The following SLC7A5 variants were observed in gnomAD, a reference collection of about 807,000 sequenced individuals.
The protein encoded by SLC7A5 is solute carrier family 7 member 5, also known as large neutral amino acids transporter small subunit 1.
A neutral mutation model predicts 50.2 loss-of-function variants in SLC7A5; 23 were observed. The observed-to-expected ratio is 0.46, with a 90% CI of 0.33 to 0.65. SLC7A5 has a LOEUF of 0.65. Among genes scored for constraint, SLC7A5 ranks in the 30% least tolerant of loss-of-function variants. The probability of loss-of-function intolerance (pLI) is 0.02; values close to 1 mark genes in which losing one functional copy is unlikely to be tolerated. For missense variants in SLC7A5, 578 were observed against 684.4 expected, an observed-to-expected ratio of 0.84 and a Z score of 1.73; for synonymous variants, 393 against 330.6, an observed-to-expected ratio of 1.19 and a Z score of -2.05.
Position 87,851,751 on chromosome 16 carries a change from G to C in SLC7A5, c.637C>G (p.Leu213Val). ...TTCCCGATCTGGACGAAGCCCAGCAGGATGATCAGGGCCAGGGCCAGGAGC... is the reference window on the plus strand; with the variant it reads ...TTCCCGATCTGGACGAAGCCCAGCACGATGATCAGGGCCAGGGCCAGGAGC... ...AKLLALALII[L>V]LGFVQIGKGD... The change falls in exon 2 of 10, where the codon CTG becomes GTG. Residue 213 changes from leucine (L) to valine (V), a missense_variant. This residue lies in a region of SLC7A5 where 465 missense variants were observed against 594.6 expected (regional missense o/e 0.78). Coordinates refer to ENST00000261622, the MANE Select transcript of SLC7A5 (RefSeq NM_003486.7). The C allele has an allele frequency of 6.2e-7, 1 of 1,613,206 alleles. No homozygotes were observed. The highest frequency in any genetic ancestry group is 8.5e-7 in the Non-Finnish European group (1 of 1,179,962).
Position 87,832,807 on chromosome 16 carries a change from A to T in SLC7A5, c.*163T>A, listed in dbSNP as rs1322554722. On this transcript the variant is annotated 3_prime_UTR_variant, in exon 10 of 10. Transcript: ENST00000261622. This position sits in a 1 kb window ranked among gnomAD's most constrained non-coding sequence, Gnocchi z 4.6. ...TCAGTTGAGGGATGAGATTCGTACCAGAGTTTTCACAGCAGCCTCCACTGC... is the reference window on the plus strand; with the variant it reads ...TCAGTTGAGGGATGAGATTCGTACCTGAGTTTTCACAGCAGCCTCCACTGC... The T allele has an allele frequency of 2.9e-6, 2 of 687,948 alleles. No individual in the cohort carries two copies. Among genetic ancestry groups the T allele is most frequent in the East Asian group, 2.6e-5 (1 of 38,274 alleles). The allele number at this position is 687,948 out of a possible 1,614,324, so 42.6% of individuals were successfully genotyped here.
At chr16:87,836,323 G>A (rs984872403) in intron 8 of SLC7A5, among the ~76,000 whole-genome samples, 175 bp downstream of exon 8, 6 of 152,242 alleles carry the variant, frequency 3.9e-5, no homozygotes, top group Non-Finnish European at 8.8e-5. Flanking sequence ...GTCACACTTG[G>A]CACCCTCGTA....
intron 1 of SLC7A5, among the ~76,000 whole-genome samples, chr16:87,855,961 GT>G (rs1421584216): frequency 2.0e-5 from 3 of 152,156 alleles, no homozygotes; most frequent in Non-Finnish European, 4.4e-5. Context: ...TGGGCCGCCG[GT>G]CCTCACCTGC....
Position 87,860,082 on chromosome 16 carries a change from C to T in SLC7A5, c.539-8233G>A, listed in dbSNP as rs906105134. ...GCACGGTGGCTCACACCTGTAATCC[C>T]AGCACTTTGGGAAGCCAAGGTGGGC... On this transcript the variant is annotated intron_variant, in intron 1 of 9. Transcript: ENST00000261622. This position sits in a 1 kb window ranked among gnomAD's most constrained non-coding sequence, Gnocchi z 4.8. Among the ~76,000 whole-genome samples the T allele has an allele frequency of 1.8e-4, 27 of 152,072 alleles. No individual in the cohort carries two copies. Among genetic ancestry groups the T allele is most frequent in the African/African-American group, 6.5e-4 (27 of 41,398 alleles).
rs1362691079 is a variant in SLC7A5, at chr16:87,830,558, C to G, written c.*2412G>C. On this transcript the variant is annotated 3_prime_UTR_variant, in exon 10 of 10. Transcript: ENST00000261622. Reference sequence around the variant, plus strand: ...GGGGGAGGGGGAAGCAGGCCTCAGTCAGCACCGCGGGACACGGCCCCTACC... The same window carrying G: ...GGGGGAGGGGGAAGCAGGCCTCAGTGAGCACCGCGGGACACGGCCCCTACC... 6.6e-6 allele frequency: 1 copy of G among 152,486 alleles called. No individual in the cohort carries two copies. The allele number at this position is 152,486 out of a possible 1,614,324, so 9.4% of individuals were successfully genotyped here.
Position 87,868,992 on chromosome 16 carries a change from G to A in SLC7A5, c.431C>T (p.Ser144Leu), listed in dbSNP as rs754831097. The part of the protein sequence containing the change: ...WIELLIIRPS[S>L]QYIVALVFAT... Reference sequence around the variant, plus strand: ...GAAGACCAGGGCCACGATGTACTGCGATGAAGGCCGGATGATGAGCAGCTC... The same window carrying A: ...GAAGACCAGGGCCACGATGTACTGCAATGAAGGCCGGATGATGAGCAGCTC... The change falls in exon 1 of 10, where the codon TCG (serine) becomes TTG (leucine). Residue 144 changes from serine (S) to leucine (L), a missense_variant. This residue lies in a region of SLC7A5 where 465 missense variants were observed against 594.6 expected (regional missense o/e 0.78). Transcript: ENST00000261622. 1.2e-6 allele frequency: 2 copies of A among 1,611,622 alleles called. No individual in the cohort carries two copies. Among genetic ancestry groups the A allele is most frequent in the Non-Finnish European group, 8.5e-7 (1 of 1,179,736 alleles).
chr16:87,853,818 C>T lies in SLC7A5; in HGVS notation c.539-1969G>A, dbSNP rs2055271752. ...CAAGCCGCACTCGAGGCTGCCTCTC[C>T]CCAAAAGGGAGAGAGGCACGCTGCC... On this transcript the variant is annotated intron_variant, in intron 1 of 9. Coordinates refer to ENST00000261622, the MANE Select transcript of SLC7A5 (RefSeq NM_003486.7). This position sits in a 1 kb window ranked among gnomAD's most constrained non-coding sequence, Gnocchi z 4.4. 1.3e-5 allele frequency: 2 copies of T among 152,170 alleles called. No homozygotes were observed. Among genetic ancestry groups the T allele is most frequent in the Non-Finnish European group, 2.9e-5 (2 of 68,040 alleles). 9.4% of individuals were successfully genotyped at this position (152,170 alleles called of 1,614,324 possible). A position where few individuals can be genotyped will look rare whatever the true frequency, so the allele number is the denominator to read the frequency against.
At position 87,841,018 on chromosome 16, in the gene SLC7A5, A is replaced by G. The variant is rs765942578; in HGVS notation, c.770+32T>C. 7.4e-6 allele frequency: 11 copies of G among 1,486,578 alleles called. No homozygotes were observed. Among genetic ancestry groups the G allele is most frequent in the Non-Finnish European group, 1.0e-5 (11 of 1,064,794 alleles). 92.1% of individuals were successfully genotyped at this position (1,486,578 alleles called of 1,614,324 possible). A position where few individuals can be genotyped will look rare whatever the true frequency, so the allele number is the denominator to read the frequency against. ...GACACGTCAGGGACTGTATGTCCCC[A>G]GACCAAGGGACCCAGACATTCCAGA... On this transcript the variant is annotated intron_variant, in intron 3 of 9. Transcript: ENST00000261622. The surrounding 1 kb of genome is among the most constrained non-coding windows in gnomAD (Gnocchi z 4.8).
chr16:87,847,397 G>C (rs2055167508), intron 2 of SLC7A5, among the ~76,000 whole-genome samples: 1 of 151,734 alleles, frequency 6.6e-6, no homozygotes, highest in Non-Finnish European at 1.5e-5. Context: ...AGCCAGATGA[G>C]GGCCAGATGA....
At chr16:87,843,459 G>C (rs1346178979) in intron 2 of SLC7A5, among the ~76,000 whole-genome samples, 1 of 146,496 alleles carries the variant, frequency 6.8e-6, no homozygotes, top group African/African-American at 2.6e-5. Context: ...TGTTGGCCAG[G>C]CTGGTCCAGC....
intron 1 of SLC7A5, among the ~76,000 whole-genome samples, chr16:87,857,154 G>A (rs1334860883): frequency 6.6e-6 from 1 of 152,202 alleles, no homozygotes; most frequent in African/African-American, 2.4e-5. Flanking sequence ...CAGAGAGAGA[G>A]GTCAAAGTGG....
intron 3 of SLC7A5, 69 bp from the exon 4 acceptor site, chr16:87,840,542 G>T: frequency 1.5e-6 from 2 of 1,328,534 alleles, no homozygotes; most frequent in Non-Finnish European, 1.1e-6. Flanking sequence ...CGGGGAGAGA[G>T]CATCCCAGGG....
In SLC7A5 at chr16:87,869,346, A is replaced by G; in HGVS notation, c.77T>C (p.Met26Thr). Residue 26 changes from methionine to threonine, a missense_variant, in exon 1 of 10, where the codon ATG (methionine) becomes ACG (threonine). By Grantham distance (81) the Met-to-Thr change is moderately conservative. Coordinates refer to ENST00000261622, the MANE Select transcript of SLC7A5 (RefSeq NM_003486.7). The part of the protein sequence containing the change: ...AEEKEEAREK[M>T]LAAKSADGSA... ...GCCGTCCGCGCTCTTGGCGGCCAGC[A>G]TCTTCTCCCGCGCCTCTTCCTTCTC... 6.2e-7 allele frequency: 1 copy of G among 1,609,278 alleles called. No individual in the cohort carries two copies. The highest frequency in any genetic ancestry group is 8.5e-7 in the Non-Finnish European group (1 of 1,178,958).
intron 1 of SLC7A5, among the ~76,000 whole-genome samples, chr16:87,855,662 G>C (rs999631489): frequency 2.0e-5 from 3 of 152,034 alleles, no homozygotes; most frequent in Admixed American, 6.5e-5. Context: ...ACTCTGTCCA[G>C]CTCCTGATAA....
chr16:87,834,713 A>C, intron 8 of SLC7A5, 122 bp from the exon 9 acceptor site: 1 of 977,352 alleles, frequency 1.0e-6, no homozygotes, highest in Non-Finnish European at 1.6e-6. Flanking sequence ...CAGGTCACCA[A>C]GATGCGATCT....
chr16:87,854,857 G>T (rs993133190), intron 1 of SLC7A5, among the ~76,000 whole-genome samples: 6 of 152,200 alleles, frequency 3.9e-5, no homozygotes, highest in African/African-American at 1.2e-4. Context: ...GGGTGCCTTG[G>T]GGGCAGTGCA....
chr16:87,858,700 C>A (rs2055351170), intron 1 of SLC7A5, among the ~76,000 whole-genome samples: 1 of 152,184 alleles, frequency 6.6e-6, no homozygotes, highest in Non-Finnish European at 1.5e-5. Context: ...TCAATCCCGG[C>A]TGTCAAAGAG....
At chr16:87,868,244 G>T (rs2055488186) in intron 1 of SLC7A5, among the ~76,000 whole-genome samples, 1 of 152,130 alleles carries the variant, frequency 6.6e-6, no homozygotes, top group African/African-American at 2.4e-5. Flanking sequence ...GTTTCCCAGA[G>T]AAACCTGGGA....
chr16:87,856,645 C>T (rs548652700), intron 1 of SLC7A5, among the ~76,000 whole-genome samples: 7 of 152,322 alleles, frequency 4.6e-5, no homozygotes, highest in Admixed American at 3.3e-4. Flanking sequence ...GCTTCTTTGT[C>T]GGAATCCACT....
Sources: gnomAD v4.1 joint callset for allele counts (sites outside exome capture counted in the v4.1 genomes callset) on GRCh38, gnomAD v4.1.1 for gene constraint, gnomAD v4.1.1 regional missense constraint, Gnocchi (gnomAD v3.1) non-coding constraint, MANE v1.5 for transcripts, NCBI Gene and HGNC (gene_info 2026-07-23, HGNC 2026-07-21) for gene names.